Variants in RNGTT observed in about 807,000 individuals in gnomAD.
RNGTT encodes the protein mRNA-capping enzyme.
In RNGTT, 33 loss-of-function variants were observed where a neutral mutation model predicts 79.3. The observed-to-expected ratio is 0.42, with a 90% CI of 0.32 to 0.56. The LOEUF (loss-of-function observed/expected upper bound fraction) is 0.56, where lower values mean the gene tolerates loss of function less well. Among genes scored for constraint, RNGTT ranks in the 20% least tolerant of loss-of-function variants. The probability of loss-of-function intolerance (pLI) is 0.17; values close to 1 mark genes in which losing one functional copy is unlikely to be tolerated. For synonymous variants in RNGTT, 222 were observed against 235.9 expected, an observed-to-expected ratio of 0.94 and a Z score of 0.54; for missense variants, 497 against 739.1, an observed-to-expected ratio of 0.67 and a Z score of 3.80.
At chr6:88,835,971 T>TAA (rs1429623287) in intron 11 of RNGTT, among the ~76,000 whole-genome samples, 11 of 77,760 alleles carry the variant, frequency 1.4e-4, no homozygotes, top group African/African-American at 2.7e-4. Flanking sequence ...CTGTCTCTAT[T>TAA]AAAAACACAC....
At chr6:88,769,980 C>G (rs1321217069) in intron 12 of RNGTT, 106 bp from the exon 13 acceptor site, 1 of 686,696 alleles carries the variant, frequency 1.5e-6, no homozygotes, top group African/African-American at 1.8e-5. Context: ...TACTTCTTTT[C>G]TAAACATAAT....
At chr6:88,935,505 G>A (rs375881507) in intron 2 of RNGTT, among the ~76,000 whole-genome samples, 1 of 152,074 alleles carries the variant, frequency 6.6e-6, no homozygotes, top group South Asian at 2.1e-4. Context: ...CTTGAGCTCA[G>A]GAGTTCAAGA....
intron 8 of RNGTT, among the ~76,000 whole-genome samples, chr6:88,865,016 T>G (rs1377975947): frequency 6.6e-6 from 1 of 152,120 alleles, no homozygotes; most frequent in African/African-American, 2.4e-5. Flanking sequence ...TTGGTGACAG[T>G]TGCACACAAT....
At chr6:88,909,925 A>G (rs1783778263) in intron 4 of RNGTT, among the ~76,000 whole-genome samples, 1 of 151,926 alleles carries the variant, frequency 6.6e-6, no homozygotes, top group African/African-American at 2.4e-5. Context: ...CTGACTATAC[A>G]CAACATTTAC....
At chr6:88,864,852 A>G (rs1782119554) in intron 8 of RNGTT, among the ~76,000 whole-genome samples, 1 of 152,134 alleles carries the variant, frequency 6.6e-6, no homozygotes, top group Non-Finnish European at 1.5e-5. Context: ...CTGGACAAAC[A>G]CTGTATCATT....
chr6:88,657,738 A>G (rs1774032849), intron 14 of RNGTT, among the ~76,000 whole-genome samples: 1 of 152,110 alleles, frequency 6.6e-6, no homozygotes, highest in South Asian at 2.1e-4. Flanking sequence ...TGGGAGGAAG[A>G]CTGGCATTGC....
At chr6:88,645,755 A>C (rs1170727991) in intron 14 of RNGTT, among the ~76,000 whole-genome samples, 3 of 152,252 alleles carry the variant, frequency 2.0e-5, no homozygotes. Context: ...AAATGAGGAA[A>C]GGATTCCCTA....
intron 14 of RNGTT, among the ~76,000 whole-genome samples, chr6:88,624,553 A>T (rs1357267381): frequency 6.6e-6 from 1 of 151,980 alleles, no homozygotes; most frequent in Non-Finnish European, 1.5e-5. Context: ...CTCAATCTAC[A>T]TCATTCACAT....
At chr6:88,872,401 C>T (rs1204792442) in intron 8 of RNGTT, among the ~76,000 whole-genome samples, 1 of 151,970 alleles carries the variant, frequency 6.6e-6, no homozygotes, top group Non-Finnish European at 1.5e-5. Flanking sequence ...CGACATTGAA[C>T]CATAATCACC....
chr6:88,835,335 C>T (rs1383955586), intron 11 of RNGTT, among the ~76,000 whole-genome samples: 2 of 152,016 alleles, frequency 1.3e-5, no homozygotes, highest in Non-Finnish European at 2.9e-5. Flanking sequence ...TAGATCCTAA[C>T]TATACACAAC....
Position 88,844,399 on chromosome 6 carries a change from G to A in RNGTT, c.1227C>T (p.Ser409=), listed in dbSNP as rs560413926. The change falls in exon 11 of 16, where the codon AGC becomes AGT. Residue 409 remains serine (S), a synonymous_variant. Transcript: ENST00000369485. ...TGTCAAAAAACGGCTTATTTCTGAC[G>A]CTAAATGGTTCCTGTGTTTTGTCAA... ...GLIDKTQEPF[S]VRNKPFFDIC... The A allele has an allele frequency of 1.1e-5, 18 of 1,613,706 alleles. No individual in the cohort carries two copies. Among genetic ancestry groups the A allele is most frequent in the African/African-American group, 5.3e-5 (4 of 74,986 alleles).
At chr6:88,870,740 T>C (rs1403632519) in intron 8 of RNGTT, among the ~76,000 whole-genome samples, 1 of 152,108 alleles carries the variant, frequency 6.6e-6, no homozygotes, top group African/African-American at 2.4e-5. Context: ...ACCAACATTG[T>C]CAAAATGGCT....
chr6:88,938,335 T>C (rs1784734368), intron 2 of RNGTT, among the ~76,000 whole-genome samples: 1 of 152,216 alleles, frequency 6.6e-6, no homozygotes, highest in Non-Finnish European at 1.5e-5. Context: ...TTTTATCTGA[T>C]ATAAGTTTAG....
At chr6:88,773,385 G>A (rs950633445) in intron 12 of RNGTT, among the ~76,000 whole-genome samples, 2 of 149,172 alleles carry the variant, frequency 1.3e-5, no homozygotes, top group African/African-American at 2.5e-5. Context: ...ACGAGTTAGT[G>A]GGTGCAGCGC....
At chr6:88,686,688 TA>T (rs1317686070) in intron 13 of RNGTT, among the ~76,000 whole-genome samples, 1 of 152,128 alleles carries the variant, frequency 6.6e-6, no homozygotes, top group Non-Finnish European at 1.5e-5. Flanking sequence ...ATCTTTCTAA[TA>T]AATAGTGCAG....
chr6:88,708,108 T>C (rs1404648268), intron 13 of RNGTT, among the ~76,000 whole-genome samples: 2 of 152,000 alleles, frequency 1.3e-5, no homozygotes, highest in African/African-American at 2.4e-5. Flanking sequence ...ATGAATACAC[T>C]TTGTAACTTA....
intron 4 of RNGTT, among the ~76,000 whole-genome samples, chr6:88,927,293 T>C (rs1207239326): frequency 6.6e-6 from 1 of 151,140 alleles, no homozygotes; most frequent in Non-Finnish European, 1.5e-5. Context: ...GAGGCCGAGG[T>C]AGGCAGGCAG....
At chr6:88,822,953 C>A (rs528210818) in intron 11 of RNGTT, among the ~76,000 whole-genome samples, 2 of 152,114 alleles carry the variant, frequency 1.3e-5, no homozygotes, top group African/African-American at 4.8e-5. Flanking sequence ...AGATAATACA[C>A]CCAAACATAA....
In RNGTT at chr6:88,612,143, A is replaced by G. The variant is rs1369785951; in HGVS notation, c.*576T>C. ...CTTTTTTCTTTTACATTTCCAAAAA[A>G]CTTGTTAAAATGATATAAACCAGAC... On this transcript the variant is annotated 3_prime_UTR_variant, in exon 16 of 16. Coordinates refer to ENST00000369485, the MANE Select transcript of RNGTT (RefSeq NM_003800.5). The G allele has an allele frequency of 6.6e-6, 1 of 152,660 alleles. No individual in the cohort carries two copies. Among genetic ancestry groups the G allele is most frequent in the East Asian group, 1.9e-4 (1 of 5,208 alleles). 9.5% of individuals were successfully genotyped at this position (152,660 alleles called of 1,614,324 possible).
Sources: allele counts gnomAD v4.1 joint callset (sites outside exome capture counted in the v4.1 genomes callset), GRCh38; gene constraint gnomAD v4.1.1; transcripts MANE v1.5; gene names NCBI Gene and HGNC (gene_info 2026-07-23, HGNC 2026-07-21).